The following PTK7 variants were observed in gnomAD, a reference collection of about 807,000 sequenced individuals.
The protein encoded by PTK7 is protein tyrosine kinase 7 (inactive), also known as inactive tyrosine-protein kinase 7.
Under a neutral mutation model 116.6 loss-of-function variants are expected in PTK7, and 39 were observed. The observed-to-expected ratio is 0.33, with a 90% CI of 0.26 to 0.44. The LOEUF is 0.44. PTK7 is among the 20% of genes least tolerant of loss of function. The pLI is 1.00. For synonymous variants in PTK7, 546 were observed against 563.6 expected (o/e 0.97, Z 0.44); for missense variants, 1,169 against 1,425.6 (o/e 0.82, Z 2.90).
At chr6:43,147,931 A>AAT (rs1770819176) in intron 17 of PTK7, among the ~76,000 whole-genome samples, 2 of 151,964 alleles carry the variant, frequency 1.3e-5, no homozygotes, top group African/African-American at 2.4e-5. Context: ...AGAGCCAGTG[A>AAT]CTCCTCACTG....
chr6:43,149,001 G>A (rs1424106675), intron 17 of PTK7, among the ~76,000 whole-genome samples: 2 of 144,702 alleles, frequency 1.4e-5, no homozygotes, highest in Non-Finnish European at 3.0e-5. Context: ...GGAGGTTGCA[G>A]TGAGCCAAGA....
At chr6:43,144,423 G>C in intron 14 of PTK7, 28 bp from the exon 15 acceptor site, 1 of 1,613,754 alleles carries the variant, frequency 6.2e-7, no homozygotes, top group Non-Finnish European at 8.5e-7. Flanking sequence ...AGGTCTCATC[G>C]TGACGCTCTT....
chr6:43,133,597 A>T lies in PTK7; in HGVS notation c.1228+910A>T, dbSNP rs1178145695. On this transcript the variant is annotated intron_variant, in intron 7 of 19. Transcript: ENST00000230419. ...CAAAACAAAACAAAACAAACCTTATATCCTCACTACAGGCATAGGGATTTA... is the reference window on the plus strand; with the variant it reads ...CAAAACAAAACAAAACAAACCTTATTTCCTCACTACAGGCATAGGGATTTA... The T allele has an allele frequency of 2.0e-5, 3 of 152,130 alleles. 1 individual carries two copies. The East Asian group carries it at 5.8e-4, about 29-fold the overall frequency. The allele number at this position is 152,130 out of a possible 1,614,324, so 9.4% of individuals were successfully genotyped here.
intron 1 of PTK7, among the ~76,000 whole-genome samples, chr6:43,118,657 CTCTATATATA>C (rs1164781767): frequency 0.028 from 1,689 of 60,918 alleles, 7 homozygotes; most frequent in Middle Eastern, 0.038. Context: ...CTCTCTCTCT[CTCTATATATA>C]TATATATATA....
chr6:43,105,478 G>A (rs1234115474), intron 1 of PTK7, among the ~76,000 whole-genome samples: 1 of 141,818 alleles, frequency 7.1e-6, no homozygotes, highest in Non-Finnish European at 1.5e-5. Flanking sequence ...AAAGCAACTT[G>A]CAGAATAGCA....
At chr6:43,102,916 T>C (rs1767665309) in intron 1 of PTK7, among the ~76,000 whole-genome samples, 1 of 152,054 alleles carries the variant, frequency 6.6e-6, no homozygotes, top group Non-Finnish European at 1.5e-5. Context: ...CTTGGACAAC[T>C]AAGCAAGACC....
chr6:43,093,558 A>T (rs1355881201), intron 1 of PTK7, among the ~76,000 whole-genome samples: 1 of 152,222 alleles, frequency 6.6e-6, no homozygotes, highest in East Asian at 1.9e-4. Context: ...GGAGACGGAC[A>T]GGAGATGCTA....
rs974946900 is a variant in PTK7 at position 43,143,308 on chromosome 6, C to A, written c.2048-109C>A. 9.1e-7 allele frequency: 1 copy of A among 1,104,208 alleles called. No homozygotes were observed. Among genetic ancestry groups the A allele is most frequent in the Admixed American group, 2.3e-5 (1 of 43,870 alleles). 68.4% of individuals were successfully genotyped at this position (1,104,208 alleles called of 1,614,324 possible). A position where few individuals can be genotyped will look rare whatever the true frequency, so the allele number is the denominator to read the frequency against. On this transcript the variant is annotated intron_variant, in intron 13 of 19. Transcript: ENST00000230419. This position sits in a 1 kb window ranked among gnomAD's most constrained non-coding sequence, Gnocchi z 4.2. ...AAGCCAGTGAAGGTGGTGACCCTCCCGGGCCATCTGTTAAGTTGCCCTGTT... is the reference window on the plus strand; with the variant it reads ...AAGCCAGTGAAGGTGGTGACCCTCCAGGGCCATCTGTTAAGTTGCCCTGTT...
intron 1 of PTK7, among the ~76,000 whole-genome samples, chr6:43,088,461 G>T: frequency 6.6e-6 from 1 of 152,066 alleles, no homozygotes; most frequent in East Asian, 1.9e-4. Context: ...TTGGGAGGCC[G>T]AGGCGGGTGG....
intron 17 of PTK7, among the ~76,000 whole-genome samples, chr6:43,150,213 G>T (rs1045017444): frequency 1.3e-5 from 2 of 152,184 alleles, no homozygotes; most frequent in African/African-American, 2.4e-5. Flanking sequence ...GAAACAGAAG[G>T]CCTCTTGTGA....
intron 1 of PTK7, among the ~76,000 whole-genome samples, chr6:43,105,246 A>G (rs1317729902): frequency 6.6e-6 from 1 of 151,716 alleles, no homozygotes; most frequent in African/African-American, 2.4e-5. Flanking sequence ...CAGTGTGCAT[A>G]GATGCCTGTA....
intron 1 of PTK7, among the ~76,000 whole-genome samples, chr6:43,102,072 G>C (rs1240060880): frequency 1.3e-5 from 2 of 151,538 alleles, no homozygotes; most frequent in Non-Finnish European, 2.9e-5. Context: ...TCTGTGTCTT[G>C]CAGTTGATTG....
chr6:43,101,481 G>A (rs751084167), intron 1 of PTK7, among the ~76,000 whole-genome samples: 5 of 151,798 alleles, frequency 3.3e-5, no homozygotes, highest in Non-Finnish European at 7.4e-5. Flanking sequence ...GAACCCGGGA[G>A]GCAGAGCTGG....
chr6:43,113,320 C>T (rs1422367390), intron 1 of PTK7, among the ~76,000 whole-genome samples: 2 of 152,056 alleles, frequency 1.3e-5, no homozygotes, highest in South Asian at 4.1e-4. Flanking sequence ...GTAGTCCTAG[C>T]TACTAGGGAG....
rs1319558854 is a variant in PTK7 at position 43,131,706 on chromosome 6, TAC to T, written c.813-308_813-307del. 7 of 394,458 alleles carry T rather than the reference TAC, an allele frequency of 1.8e-5. No individual in the cohort carries two copies. The Admixed American group carries it at 2.9e-4, about 16-fold the overall frequency. The allele number at this position is 394,458 out of a possible 1,614,324, so 24.4% of individuals were successfully genotyped here. On this transcript the variant is annotated intron_variant, in intron 5 of 19. Coordinates refer to ENST00000230419, the MANE Select transcript of PTK7 (RefSeq NM_002821.5). Reference sequence around the variant, plus strand: ...CACAACATGTGGGAATTATGGGAGCTACAATTTAAGATGAGATTTGAGTGGGG... The same window carrying T: ...CACAACATGTGGGAATTATGGGAGCTAATTTAAGATGAGATTTGAGTGGGG...
intron 17 of PTK7, among the ~76,000 whole-genome samples, chr6:43,156,770 C>T (rs904973741): frequency 6.6e-6 from 1 of 152,006 alleles, no homozygotes; most frequent in Non-Finnish European, 1.5e-5. Context: ...GTAGTGCGCG[C>T]CTGTAATCCC....
Position 43,141,246 on chromosome 6 carries a change from G to C in PTK7, c.1619-422G>C, listed in dbSNP as rs1243519759. ...TGACATTTCCACCTAGAGTGAGAGA[G>C]TACAGTTGTAGATTCTGAGGAGGAA... On this transcript the variant is annotated intron_variant, in intron 10 of 19. Transcript: ENST00000230419. The surrounding 1 kb of genome is among the most constrained non-coding windows in gnomAD (Gnocchi z 4.9). Among the ~76,000 whole-genome samples, 1 of 152,178 alleles carries C rather than the reference G, an allele frequency of 6.6e-6. No individual in the cohort carries two copies. Among genetic ancestry groups the C allele is most frequent in the Non-Finnish European group, 1.5e-5 (1 of 68,036 alleles).
chr6:43,125,189 GA>G (rs937319195), intron 1 of PTK7, among the ~76,000 whole-genome samples: 8 of 152,078 alleles, frequency 5.3e-5, no homozygotes, highest in Non-Finnish European at 1.2e-4. Flanking sequence ...ACAAAAAAAA[GA>G]AAAAAGAAAC....
At chr6:43,147,970 G>A (rs1256902553) in intron 17 of PTK7, among the ~76,000 whole-genome samples, 3 of 152,182 alleles carry the variant, frequency 2.0e-5, no homozygotes. Flanking sequence ...GGGCCCTTGG[G>A]AATGCAAAAT....
Sources: allele counts gnomAD v4.1 joint callset (sites outside exome capture counted in the v4.1 genomes callset), GRCh38; gene constraint gnomAD v4.1.1; non-coding constraint Gnocchi (gnomAD v3.1); transcripts MANE v1.5; gene names NCBI Gene and HGNC (gene_info 2026-07-23, HGNC 2026-07-21).